The following TRPM7 variants were observed in gnomAD, a reference collection of about 807,000 sequenced individuals.
TRPM7 encodes the protein LTRPC ion channel family member 7.
A neutral mutation model predicts 229.7 loss-of-function variants in TRPM7; 134 were observed. The ratio of observed to expected loss-of-function variants is 0.58; its 90% CI spans 0.51 to 0.67. TRPM7 has a LOEUF of 0.67. TRPM7 is among the 30% of genes least tolerant of loss of function. The probability of loss-of-function intolerance (pLI) is 0.00; values close to 1 mark genes in which losing one functional copy is unlikely to be tolerated. For synonymous variants in TRPM7, 699 were observed against 715.2 expected (o/e 0.98, Z 0.36); for missense variants, 1,901 against 2,210.0 (o/e 0.86, Z 2.80).
intron 15 of TRPM7, 80 bp from the exon 16 acceptor site, chr15:50,612,909 A>C: frequency 7.8e-7 from 1 of 1,274,492 alleles, no homozygotes; most frequent in Non-Finnish European, 1.1e-6. Flanking sequence ...TTAGTAAAAT[A>C]TCTTTACATT....
chr15:50,602,668 C>A (rs2059811961), intron 21 of TRPM7, among the ~76,000 whole-genome samples: 1 of 152,108 alleles, frequency 6.6e-6, no homozygotes, highest in African/African-American at 2.4e-5. Flanking sequence ...AGATCTGGAC[C>A]ATGTCTTATT....
chr15:50,585,440 C>T (rs1326635883), intron 28 of TRPM7, among the ~76,000 whole-genome samples: 6 of 152,214 alleles, frequency 3.9e-5, no homozygotes, highest in Non-Finnish European at 8.8e-5. Flanking sequence ...CCTTGTCTTG[C>T]TCCCCATCTT....
At position 50,585,086 on chromosome 15, in the gene TRPM7, G is replaced by A. The variant is rs1264831139; in HGVS notation, c.4486+1306C>T. Among the ~76,000 whole-genome samples, 1,110 of 121,356 alleles carry A rather than the reference G, an allele frequency of 9.1e-3. 16 individuals carry two copies. Among genetic ancestry groups the A allele is most frequent in the African/African-American group, 0.034 (1,048 of 31,178 alleles). 79.6% of individuals were successfully genotyped at this position (121,356 alleles called of 152,430 possible). A position where few individuals can be genotyped will look rare whatever the true frequency, so the allele number is the denominator to read the frequency against. On this transcript the variant is annotated intron_variant, in intron 28 of 38. Coordinates refer to ENST00000646667, the MANE Select transcript of TRPM7 (RefSeq NM_017672.6). ...TTTTTTTTTTTTGAGACGGAGTCTC[G>A]CTCTGTCGCCCAGGCCGGACTGCAG...
intron 30 of TRPM7, among the ~76,000 whole-genome samples, chr15:50,579,112 A>G (rs2054277479): frequency 6.6e-6 from 1 of 152,210 alleles, no homozygotes; most frequent in Non-Finnish European, 1.5e-5. Flanking sequence ...CTTAGTTTCT[A>G]ATGTTGAAAA....
At chr15:50,680,103 G>A (rs887416732) in intron 1 of TRPM7, among the ~76,000 whole-genome samples, 44 of 151,886 alleles carry the variant, frequency 2.9e-4, no homozygotes, top group African/African-American at 7.7e-4. Context: ...GCATGGTGGC[G>A]GGTGCCTGTA....
At chr15:50,572,731 T>C (rs1293280485) in intron 36 of TRPM7, among the ~76,000 whole-genome samples, 3 of 152,250 alleles carry the variant, frequency 2.0e-5, no homozygotes, top group African/African-American at 7.2e-5. Flanking sequence ...TATAAAGGTA[T>C]GAACTACTGA....
At chr15:50,680,475 A>G (rs2062216317) in intron 1 of TRPM7, among the ~76,000 whole-genome samples, 1 of 151,884 alleles carries the variant, frequency 6.6e-6, no homozygotes, top group Non-Finnish European at 1.5e-5. Flanking sequence ...AAGCTGCAGC[A>G]GGAGAATGGC....
At chr15:50,660,313 T>G (rs888001961) in intron 2 of TRPM7, among the ~76,000 whole-genome samples, 18 of 152,068 alleles carry the variant, frequency 1.2e-4, no homozygotes, top group Non-Finnish European at 2.1e-4. Flanking sequence ...ATAAAATATT[T>G]TCTCAATAAT....
chr15:50,648,864 G>A lies in TRPM7; in HGVS notation c.144C>T (p.Val48=). The part of the protein sequence containing the change: ...QLVRCFCGRL[V]KQHACFTASL... ...TTGCAGTAAAACAAGCATGTTGCTT[G>A]ACCAAGCGACCACAAAAACACCTAA... is the stretch of plus-strand genomic sequence containing the variant. Residue 48 remains valine (V), a synonymous_variant, in exon 4 of 39, where the codon GTC becomes GTT. Coordinates refer to ENST00000646667, the MANE Select transcript of TRPM7 (RefSeq NM_017672.6). 3 of 1,609,306 alleles carry A rather than the reference G, an allele frequency of 1.9e-6. No homozygotes were observed. Among genetic ancestry groups the A allele is most frequent in the Non-Finnish European group, 2.5e-6 (3 of 1,177,486 alleles).
chr15:50,597,448 G>A (rs1008769125), intron 22 of TRPM7, among the ~76,000 whole-genome samples: 2 of 152,074 alleles, frequency 1.3e-5, no homozygotes, highest in Admixed American at 1.3e-4. Flanking sequence ...ATGGTTTTAC[G>A]GGCAAATTAA....
chr15:50,641,582 T>A (rs2061102055), intron 5 of TRPM7, among the ~76,000 whole-genome samples: 1 of 152,200 alleles, frequency 6.6e-6, no homozygotes, highest in Admixed American at 6.6e-5. Context: ...ACGTTATACA[T>A]TACTGAGTTA....
rs747033630 is a variant in TRPM7, at chr15:50,569,997, T to A, written c.5361-4A>T. 6.2e-7 allele frequency: 1 copy of A among 1,600,996 alleles called. No homozygotes were observed. On this transcript the variant is annotated splice_region_variant and splice_polypyrimidine_tract_variant and intron_variant, in intron 37 of 38. Transcript: ENST00000646667. ...GCCAAAAACCATATCACAGGATCTG[T>A]AGAATTGGTAATTTTAAAAAAAACA...
rs1183244067 is a variant in TRPM7 at position 50,644,005 on chromosome 15, AT to A, written c.322-453del. On this transcript the variant is annotated intron_variant, in intron 4 of 38. Transcript: ENST00000646667. ...TATGAAGAGAGGCAAATACTGAATT[AT>A]TTGTATGAAAGTTTGGCAATGATCT... 1.4e-4 allele frequency among the ~76,000 whole-genome samples: 22 copies of A among 152,350 alleles called. No individual in the cohort carries two copies. The East Asian group carries it at 2.3e-3, about 16-fold the overall frequency.
At chr15:50,583,526 G>A (rs2054529096) in intron 28 of TRPM7, among the ~76,000 whole-genome samples, 1 of 151,726 alleles carries the variant, frequency 6.6e-6, no homozygotes, top group Non-Finnish European at 1.5e-5. Flanking sequence ...AAATGGTAGA[G>A]AAACATATAT....
intron 27 of TRPM7, among the ~76,000 whole-genome samples, chr15:50,586,985 C>T (rs1430124374): frequency 6.6e-6 from 1 of 152,050 alleles, no homozygotes; most frequent in Non-Finnish European, 1.5e-5. Context: ...CACTGCACTC[C>T]AGCCTGCTGG....
chr15:50,604,754 A>G, intron 21 of TRPM7, 112 bp downstream of exon 21: 1 of 1,110,192 alleles, frequency 9.0e-7, no homozygotes, highest in Non-Finnish European at 1.3e-6. Flanking sequence ...AGGCAAACAA[A>G]CACAAAATAA....
chr15:50,680,407 T>G (rs1420824055), intron 1 of TRPM7, among the ~76,000 whole-genome samples: 1 of 150,620 alleles, frequency 6.6e-6, no homozygotes, highest in Non-Finnish European at 1.5e-5. Flanking sequence ...AAAATAAAAA[T>G]AAAAACACAA....
At chr15:50,610,856 T>C (rs558371984) in intron 17 of TRPM7, among the ~76,000 whole-genome samples, 1 of 152,244 alleles carries the variant, frequency 6.6e-6, no homozygotes, top group South Asian at 2.1e-4. Flanking sequence ...GTTCCCCTTC[T>C]AGCTCAAAGA....
At chr15:50,636,995 G>A (rs948288105) in intron 7 of TRPM7, among the ~76,000 whole-genome samples, 3 of 151,982 alleles carry the variant, frequency 2.0e-5, no homozygotes, top group Non-Finnish European at 4.4e-5. Context: ...GCATGGTAGC[G>A]GGCACCTGTA....
Sources: allele counts gnomAD v4.1 joint callset (sites outside exome capture counted in the v4.1 genomes callset), GRCh38; gene constraint gnomAD v4.1.1; transcripts MANE v1.5; gene names NCBI Gene and HGNC (gene_info 2026-07-23, HGNC 2026-07-21).